ZFP64: variants seen among roughly 807,000 people sequenced by gnomAD.
The protein encoded by ZFP64 is ZFP64 zinc finger protein.
ZFP64 carries 14 observed loss-of-function variants against 51.6 expected under a neutral mutation model. The observed-to-expected ratio is 0.27, with a 90% CI of 0.18 to 0.42. The LOEUF is 0.42. Ranked by LOEUF, ZFP64 falls within the 10% of genes least tolerant of loss-of-function variation. The probability of loss-of-function intolerance (pLI) is 1.00; values close to 1 mark genes in which losing one functional copy is unlikely to be tolerated. For synonymous variants in ZFP64, 375 were observed against 361.4 expected, an observed-to-expected ratio of 1.04 and a Z score of -0.43; for missense variants, 754 against 906.8, an observed-to-expected ratio of 0.83 and a Z score of 2.16.
At chr20:52,164,222 C>T (rs988601125) in intron 4 of ZFP64, among the ~76,000 whole-genome samples, 3 of 152,044 alleles carry the variant, frequency 2.0e-5, no homozygotes, top group Admixed American at 6.6e-5. Context: ...CTGAGGTGGG[C>T]GGGTCGAGTG....
chr20:52,091,241 T>C (rs1367056896), intron 7 of ZFP64, among the ~76,000 whole-genome samples: 3 of 151,506 alleles, frequency 2.0e-5, no homozygotes, highest in Non-Finnish European at 2.9e-5. Context: ...CTCACGCCAG[T>C]AATCCCAGCA....
chr20:52,156,935 C>T (rs1391849451), intron 5 of ZFP64, among the ~76,000 whole-genome samples: 1 of 151,984 alleles, frequency 6.6e-6, no homozygotes, highest in Admixed American at 6.5e-5. Context: ...AAGAAAGAGA[C>T]AAACTCAAAA....
chr20:52,098,462 T>C (rs1296765197), exon 6 of ZFP64: 5 of 1,614,040 alleles, frequency 3.1e-6, no homozygotes, highest in Non-Finnish European at 4.2e-6. Flanking sequence ...TTGAACGTCC[T>C]CTCTCCAAGG....
At position 52,157,011 on chromosome 20, in the gene ZFP64, A is replaced by G. The variant is rs1981376085; in HGVS notation, c.763+3112T>C. On this transcript the variant is annotated intron_variant, in intron 5 of 5. Transcript: ENST00000216923. ...TAGAAAGTCAAAGATTACTGGATAT[A>G]GTTTCTCATCTCCAGCCAGCTTCTC... 2.0e-5 allele frequency among the ~76,000 whole-genome samples: 3 copies of G among 152,248 alleles called. No individual in the cohort carries two copies. In the South Asian group the frequency reaches 6.2e-4, roughly 31 times the overall value.
intron 5 of ZFP64, among the ~76,000 whole-genome samples, chr20:52,133,617 A>T (rs1355030434): frequency 6.6e-6 from 1 of 152,210 alleles, no homozygotes; most frequent in East Asian, 1.9e-4. Flanking sequence ...TACAATAGCC[A>T]CACACAAAAT....
chr20:52,163,933 C>T (rs1218266809), intron 4 of ZFP64, among the ~76,000 whole-genome samples: 1 of 152,108 alleles, frequency 6.6e-6, no homozygotes, highest in African/African-American at 2.4e-5. Context: ...TCTTTTAAAA[C>T]AAGTATTTAT....
chr20:52,108,859 GAAAC>G (rs1249731581), intron 5 of ZFP64, among the ~76,000 whole-genome samples: 2 of 88,866 alleles, frequency 2.3e-5, no homozygotes, highest in Non-Finnish European at 4.4e-5. Context: ...TTGAAAATCT[GAAAC>G]ACACACACAC....
Position 52,186,885 on chromosome 20 carries a change from G to A in ZFP64, c.233C>T (p.Thr78Ile). ...GGTTCTGGTGGTGGTCTGAGTCTGG[G>A]TGGCAGGCACTGTTTCCTCCGATAC... ...QFVSEETVPA[T>I]QTQTTTRTIT... Residue 78 changes from threonine to isoleucine, a missense_variant, in exon 2 of 6, where the codon ACC becomes ATC. Physicochemically the swap from Thr to Ile is moderately conservative, Grantham distance 89. Around this residue, in one of 3 missense-constraint regions of ZFP64, gnomAD observed 231 missense variants for 336.7 expected, o/e 0.69. Transcript: ENST00000216923. 1 of 1,613,752 alleles carries A rather than the reference G, an allele frequency of 6.2e-7. No homozygotes were observed. The highest frequency in any genetic ancestry group is 2.2e-5 in the East Asian group (1 of 44,870).
chr20:52,162,445 T>C (rs1194391217), intron 4 of ZFP64, among the ~76,000 whole-genome samples: 2 of 151,520 alleles, frequency 1.3e-5, no homozygotes, highest in East Asian at 3.9e-4. Flanking sequence ...GCTAACACAG[T>C]GAAATCCTGT....
At chr20:52,088,658 G>A in intron 7 of ZFP64, 2 of 1,613,458 alleles carry the variant, frequency 1.2e-6, no homozygotes, top group Middle Eastern at 3.3e-4. Context: ...AAACACATAA[G>A]GAGTCAAAGT....
At chr20:52,186,020 A>G (rs928230979) in intron 2 of ZFP64, among the ~76,000 whole-genome samples, 1 of 152,258 alleles carries the variant, frequency 6.6e-6, no homozygotes, top group African/African-American at 2.4e-5. Flanking sequence ...CGGAAAAAGT[A>G]AAACTTCATT....
chr20:52,182,920 C>A (rs1212684100), intron 2 of ZFP64, among the ~76,000 whole-genome samples: 1 of 152,112 alleles, frequency 6.6e-6, no homozygotes, highest in African/African-American at 2.4e-5. Context: ...ACCTTAAAGT[C>A]ATTCCTCTAT....
At chr20:52,092,848 T>A (rs1014281033) in intron 7 of ZFP64, among the ~76,000 whole-genome samples, 1 of 152,150 alleles carries the variant, frequency 6.6e-6, no homozygotes, top group African/African-American at 2.4e-5. Context: ...AGGAAGACTG[T>A]CTCTCAAAAA....
chr20:52,184,431 C>A (rs1983819843), intron 2 of ZFP64, among the ~76,000 whole-genome samples: 1 of 152,294 alleles, frequency 6.6e-6, no homozygotes, highest in East Asian at 1.9e-4. Flanking sequence ...TAACTTCTCT[C>A]ATTTACATTA....
At chr20:52,171,410 CGTATGT>C (rs1202171936) in intron 2 of ZFP64, among the ~76,000 whole-genome samples, 40 of 151,904 alleles carry the variant, frequency 2.6e-4, no homozygotes, top group African/African-American at 7.2e-4. Flanking sequence ...TATGTGTATG[CGTATGT>C]GTATGTGTAT....
chr20:52,191,529 G>A lies in ZFP64; in HGVS notation c.46+62C>T. On this transcript the variant is annotated intron_variant, in intron 1 of 5. Coordinates refer to ENST00000216923, the MANE Select transcript of ZFP64 (RefSeq NM_018197.3). This position sits in a 1 kb window ranked among gnomAD's most constrained non-coding sequence, Gnocchi z 4.3. Reference sequence around the variant, plus strand: ...CTGGCTGCGTCGCAGACGTGCTTGGGCCCGGGCCCCGGAGCGCGCACTGGG... The same window carrying A: ...CTGGCTGCGTCGCAGACGTGCTTGGACCCGGGCCCCGGAGCGCGCACTGGG... The A allele has an allele frequency of 6.7e-7, 1 of 1,486,942 alleles. No homozygotes were observed. Among genetic ancestry groups the A allele is most frequent in the Non-Finnish European group, 8.9e-7 (1 of 1,119,696 alleles). The allele number at this position is 1,486,942 out of a possible 1,614,324, so 92.1% of individuals were successfully genotyped here. A position where few individuals can be genotyped will look rare whatever the true frequency, so the allele number is the denominator to read the frequency against.
At chr20:52,113,356 GAAA>G (rs1978695806) in intron 5 of ZFP64, among the ~76,000 whole-genome samples, 2 of 136,404 alleles carry the variant, frequency 1.5e-5, no homozygotes, top group African/African-American at 5.3e-5. Flanking sequence ...AAGAAAGAAA[GAAA>G]GAAAACTAGA....
chr20:52,152,315 G>C lies in ZFP64; in HGVS notation c.1877C>G (p.Ala626Gly). 1 of 1,614,184 alleles carries C rather than the reference G, an allele frequency of 6.2e-7. No individual in the cohort carries two copies. The highest frequency in any genetic ancestry group is 8.5e-7 in the Non-Finnish European group (1 of 1,180,046). The change falls in exon 6 of 6, where the codon GCA becomes GGA. Residue 626 changes from alanine to glycine, a missense_variant. Ala to Gly is a moderately conservative substitution (Grantham distance 60, BLOSUM62 0). Coordinates refer to ENST00000216923, the MANE Select transcript of ZFP64 (RefSeq NM_018197.3). ...GLNALIQEGTAEVTVVSDGGQ... is the reference protein window; with the variant it reads ...GLNALIQEGTGEVTVVSDGGQ... ...TCCATCGCTCACCACTGTCACTTCT[G>C]CTGTCCCCTCCTGAATCAAGGCGTT...
At chr20:52,099,406 G>A (rs1446326040) in intron 5 of ZFP64, among the ~76,000 whole-genome samples, 1 of 151,958 alleles carries the variant, frequency 6.6e-6, no homozygotes, top group Non-Finnish European at 1.5e-5. Context: ...ACACATCACT[G>A]ATCTCCAGGA....
Sources: gnomAD v4.1 joint callset for allele counts (sites outside exome capture counted in the v4.1 genomes callset) on GRCh38, gnomAD v4.1.1 for gene constraint, gnomAD v4.1.1 regional missense constraint, Gnocchi (gnomAD v3.1) non-coding constraint, MANE v1.5 for transcripts, NCBI Gene and HGNC (gene_info 2026-07-23, HGNC 2026-07-21) for gene names.